Variants in MYO7B observed in about 807,000 individuals in gnomAD.
MYO7B encodes the protein myosin VIIB.
Under a neutral mutation model 259.7 loss-of-function variants are expected in MYO7B, and 212 were observed. The observed-to-expected ratio is 0.82, with a 90% CI of 0.73 to 0.91. The LOEUF (loss-of-function observed/expected upper bound fraction) is 0.91. Among genes scored for constraint, MYO7B ranks in the 40% least tolerant of loss-of-function variants. MYO7B has a pLI of 0.00. For synonymous variants in MYO7B, 1,197 were observed against 1,166.4 expected, an observed-to-expected ratio of 1.03 and a Z score of -0.54; for missense variants, 2,732 against 2,813.5, an observed-to-expected ratio of 0.97 and a Z score of 0.66.
intron 6 of MYO7B, 41 bp downstream of exon 6, chr2:127,569,951 C>A (rs770876659): frequency 4.4e-6 from 7 of 1,585,804 alleles, no homozygotes; most frequent in African/African-American, 2.7e-5. Flanking sequence ...CCCCAGCCCC[C>A]CTGGAGCCTT....
intron 1 of MYO7B, among the ~76,000 whole-genome samples, chr2:127,537,065 T>C (rs775939802): frequency 6.6e-5 from 10 of 152,260 alleles, no homozygotes; most frequent in Non-Finnish European, 1.0e-4. Context: ...TGGCTTTTAT[T>C]TGCAATTCTA....
At position 127,624,182 on chromosome 2, in the gene MYO7B, C is replaced by T; in HGVS notation, c.3909C>T (p.Arg1303=). Residue 1303 remains arginine, a synonymous_variant, in exon 30 of 48, where the codon CGC becomes CGT. Transcript: ENST00000409816. The part of the protein sequence containing the change: ...QMAQERGESQ[R]QSPWRIYFRK... ...CCCAGGAGAGGGGCGAGAGCCAGCG[C>T]CAGTCACCCTGGCGCATCTACTTCC... 2 of 1,597,638 alleles carry T rather than the reference C, an allele frequency of 1.3e-6. No individual in the cohort carries two copies. The highest frequency in any genetic ancestry group is 1.7e-6 in the Non-Finnish European group (2 of 1,172,826).
chr2:127,624,051 A>C, intron 29 of MYO7B, 42 bp from the exon 30 acceptor site: 1 of 1,513,220 alleles, frequency 6.6e-7, no homozygotes, highest in Non-Finnish European at 8.9e-7. Context: ...GGGGTGGGGC[A>C]TGCAACAGCC....
chr2:127,566,234 G>A (rs1238555638), intron 4 of MYO7B, among the ~76,000 whole-genome samples: 2 of 152,214 alleles, frequency 1.3e-5, no homozygotes, highest in African/African-American at 4.8e-5. Context: ...CCAGGGCGGA[G>A]GTCCCAGGGG....
At position 127,633,260 on chromosome 2, in the gene MYO7B, C is replaced by A; in HGVS notation, c.5408C>A (p.Thr1803Lys). The A allele has an allele frequency of 1.2e-6, 2 of 1,608,082 alleles. No individual in the cohort carries two copies. The highest frequency in any genetic ancestry group is 1.7e-6 in the Non-Finnish European group (2 of 1,177,864). Residue 1803 changes from threonine to lysine, a missense_variant and splice_region_variant, in exon 40 of 48, where the codon ACG (threonine) becomes AAG (lysine). Transcript: ENST00000409816. ...GCAGCACACGCTGTCCCCCTCAGGA[C>A]GGGGCCCCGGAAGCAGCCCCCGCAC... ...CSRRIQKVLRTGPRKQPPHQV... is the reference protein window; with the variant it reads ...CSRRIQKVLRKGPRKQPPHQV...
Position 127,635,902 on chromosome 2 carries a change from A to G in MYO7B, c.6001A>G (p.Lys2001Glu), listed in dbSNP as rs775490678. 2.4e-5 allele frequency: 38 copies of G among 1,567,610 alleles called. No homozygotes were observed. Among genetic ancestry groups the G allele is most frequent in the Non-Finnish European group, 3.2e-5 (37 of 1,156,566 alleles). The change falls in exon 44 of 48, where the codon AAA (lysine) becomes GAA (glutamate). Residue 2001 changes from lysine to glutamate, a missense_variant. Lys to Glu is a moderately conservative substitution (Grantham distance 56). Coordinates refer to ENST00000409816, the MANE Select transcript of MYO7B (RefSeq NM_001393586.1). ...LTRLMSSEEW[K>E]KSILLAYDKH... ...ACGCCTGATGTCCTCGGAGGAGTGGAAAAAGGTCCCTGGTCGGGCTGGGGA... is the reference window on the plus strand; with the variant it reads ...ACGCCTGATGTCCTCGGAGGAGTGGGAAAAGGTCCCTGGTCGGGCTGGGGA...
chr2:127,569,478 G>A (rs560940915), intron 5 of MYO7B, among the ~76,000 whole-genome samples: 3 of 152,302 alleles, frequency 2.0e-5, no homozygotes, highest in African/African-American at 7.2e-5. Context: ...GGAAGACACT[G>A]AGTCATCTCA....
At chr2:127,537,708 G>GA (rs1462383750) in intron 1 of MYO7B, among the ~76,000 whole-genome samples, 59 of 149,628 alleles carry the variant, frequency 3.9e-4, no homozygotes, top group East Asian at 1.9e-3. Context: ...GGAGGAGGAG[G>GA]GGGAGGAGAA....
At chr2:127,583,203 T>C (rs1400400152) in intron 12 of MYO7B, among the ~76,000 whole-genome samples, 1 of 152,216 alleles carries the variant, frequency 6.6e-6, no homozygotes, top group African/African-American at 2.4e-5. Flanking sequence ...CTGGGCCCTG[T>C]CTGAGGAGCC....
At chr2:127,569,464 A>C (rs1678494393) in intron 5 of MYO7B, among the ~76,000 whole-genome samples, 1 of 152,142 alleles carries the variant, frequency 6.6e-6, no homozygotes. Flanking sequence ...CCACCCTTTC[A>C]TTAGGAAGAC....
At position 127,635,891 on chromosome 2, in the gene MYO7B, C is replaced by T. The variant is rs375048744; in HGVS notation, c.5990C>T (p.Ser1997Leu). The change falls in exon 44 of 48, where the codon TCG (serine) becomes TTG (leucine). Residue 1997 changes from serine to leucine, a missense_variant. This residue lies in a region of MYO7B where 821 missense variants were observed against 769.3 expected (regional missense o/e 1.07). Coordinates refer to ENST00000409816, the MANE Select transcript of MYO7B (RefSeq NM_001393586.1). ...VPENLTRLMS[S>L]EEWKKSILLA... ...GAGAACCTCACACGCCTGATGTCCT[C>T]GGAGGAGTGGAAAAAGGTCCCTGGT... is the stretch of plus-strand genomic sequence containing the variant. 1.8e-5 allele frequency: 29 copies of T among 1,573,734 alleles called. No individual in the cohort carries two copies. The highest frequency in any genetic ancestry group is 8.1e-5 in the African/African-American group (6 of 73,796).
chr2:127,551,538 T>C (rs1398865918), intron 1 of MYO7B, among the ~76,000 whole-genome samples: 2 of 152,184 alleles, frequency 1.3e-5, no homozygotes, highest in Non-Finnish European at 2.9e-5. Flanking sequence ...CAAAAGCAAA[T>C]CACTAAGTCC....
chr2:127,618,334 C>T (rs1216637759), intron 26 of MYO7B, among the ~76,000 whole-genome samples: 1 of 152,292 alleles, frequency 6.6e-6, no homozygotes, highest in South Asian at 2.1e-4. Context: ...AAAAGGGCTC[C>T]CTACTCCTAG....
intron 9 of MYO7B, among the ~76,000 whole-genome samples, chr2:127,578,598 G>A (rs1287684509): frequency 6.6e-6 from 1 of 152,158 alleles, no homozygotes; most frequent in Admixed American, 6.5e-5. Flanking sequence ...TTGCAAACCA[G>A]GTTGTGAGCA....
At chr2:127,580,600 G>A (rs1465135386) in intron 9 of MYO7B, 146 bp from the exon 10 acceptor site, 1 of 731,664 alleles carries the variant, frequency 1.4e-6, no homozygotes, top group Non-Finnish European at 2.2e-6. Flanking sequence ...CCCTCAAAGA[G>A]AGGACACTGG....
chr2:127,627,529 G>A lies in MYO7B; in HGVS notation c.4460+219G>A, dbSNP rs770731165. On this transcript the variant is annotated intron_variant, in intron 33 of 47. Coordinates refer to ENST00000409816, the MANE Select transcript of MYO7B (RefSeq NM_001393586.1). The surrounding 1 kb of genome is among the most constrained non-coding windows in gnomAD (Gnocchi z 5.6). ...GAAGTACTCCATTGGGGCATCACGC[G>A]TTGCACTGGCAGCTTCTCTTTGAAA... is the stretch of plus-strand genomic sequence containing the variant. 1.4e-4 allele frequency: 99 copies of A among 708,318 alleles called. No individual in the cohort carries two copies. Among genetic ancestry groups the A allele is most frequent in the Admixed American group, 1.3e-3 (61 of 48,518 alleles). The allele number at this position is 708,318 out of a possible 1,614,324, so 43.9% of individuals were successfully genotyped here.
At chr2:127,618,220 C>G (rs1381672011) in intron 26 of MYO7B, among the ~76,000 whole-genome samples, 1 of 152,140 alleles carries the variant, frequency 6.6e-6, no homozygotes, top group Non-Finnish European at 1.5e-5. Context: ...GGAGTTACTA[C>G]TGTCACTACT....
intron 41 of MYO7B, 31 bp downstream of exon 41, chr2:127,634,320 G>A: frequency 4.7e-6 from 7 of 1,493,634 alleles, no homozygotes; most frequent in Non-Finnish European, 6.3e-6. Context: ...GCAGACGGTG[G>A]GCGGACGGGC....
intron 1 of MYO7B, among the ~76,000 whole-genome samples, chr2:127,554,599 A>G (rs1693570040): frequency 6.6e-6 from 1 of 152,226 alleles, no homozygotes; most frequent in Admixed American, 6.5e-5. Flanking sequence ...GCTTCATAGA[A>G]TAAGTTAGGG....
Sources: allele counts gnomAD v4.1 joint callset (sites outside exome capture counted in the v4.1 genomes callset), GRCh38; gene constraint gnomAD v4.1.1; regional missense constraint gnomAD v4.1.1; non-coding constraint Gnocchi (gnomAD v3.1); transcripts MANE v1.5; gene names NCBI Gene and HGNC (gene_info 2026-07-23, HGNC 2026-07-21).